DCDC1: variants seen among roughly 807,000 people sequenced by gnomAD.
The protein encoded by DCDC1 is doublecortin domain containing 1, also known as doublecortin domain-containing protein 1.
Under a neutral mutation model 178.3 loss-of-function variants are expected in DCDC1, and 200 were observed. The observed-to-expected ratio is 1.12, with a 90% CI of 1.00 to 1.26. The LOEUF is 1.26. Among genes scored for constraint, DCDC1 ranks in the 50% most tolerant of loss-of-function variants. The pLI is 0.00. For synonymous variants in DCDC1, 690 were observed against 604.8 expected (o/e 1.14, Z -2.07); for missense variants, 1,983 against 1,749.2 (o/e 1.13, Z -2.38).
intron 6 of DCDC1, among the ~76,000 whole-genome samples, chr11:31,302,996 G>A (rs1948215799): frequency 6.6e-6 from 1 of 152,178 alleles, no homozygotes; most frequent in Non-Finnish European, 1.5e-5. Context: ...AGTATTCTCA[G>A]TTTGAAGGAT....
At chr11:31,136,688 T>G (rs1168975604) in intron 10 of DCDC1, among the ~76,000 whole-genome samples, 1 of 152,184 alleles carries the variant, frequency 6.6e-6, no homozygotes, top group Non-Finnish European at 1.5e-5. Context: ...CAGTGGTACA[T>G]AGAAATTAGA....
intron 32 of DCDC1, among the ~76,000 whole-genome samples, chr11:30,901,485 A>G (rs1944666810): frequency 6.6e-6 from 1 of 152,142 alleles, no homozygotes; most frequent in Admixed American, 6.6e-5. Flanking sequence ...CCTGCATAGT[A>G]AGCACTATGT....
At chr11:31,344,139 C>A (rs559893969) in intron 1 of DCDC1, among the ~76,000 whole-genome samples, 3 of 152,004 alleles carry the variant, frequency 2.0e-5, no homozygotes, top group African/African-American at 7.2e-5. Context: ...TCAGATAACA[C>A]CCCTGCACAT....
intron 20 of DCDC1, among the ~76,000 whole-genome samples, chr11:31,021,930 C>T (rs989109965): frequency 5.9e-5 from 9 of 152,240 alleles, no homozygotes; most frequent in Admixed American, 4.6e-4. Flanking sequence ...GGCCTTACAA[C>T]AGCAGGATCA....
chr11:31,153,870 C>CAT, intron 9 of DCDC1, among the ~76,000 whole-genome samples: 1 of 152,018 alleles, frequency 6.6e-6, no homozygotes, highest in African/African-American at 2.4e-5. Context: ...CACACACACA[C>CAT]ACACACACAC....
intron 20 of DCDC1, among the ~76,000 whole-genome samples, chr11:31,016,753 G>C (rs1487764014): frequency 6.6e-6 from 1 of 152,116 alleles, no homozygotes; most frequent in Non-Finnish European, 1.5e-5. Context: ...TCAAAAATAG[G>C]GATGCCTGTG....
chr11:31,094,312 G>A (rs150380101), intron 15 of DCDC1, 128 bp from the exon 16 acceptor site: 78 of 624,970 alleles, frequency 1.2e-4, no homozygotes, highest in Middle Eastern at 1.1e-3. Flanking sequence ...TCAAAAAGTA[G>A]CATTCAATCC....
intron 3 of DCDC1, among the ~76,000 whole-genome samples, chr11:31,323,708 G>A (rs1285358368): frequency 1.3e-5 from 2 of 151,676 alleles, no homozygotes; most frequent in African/African-American, 4.8e-5. Flanking sequence ...TAAACACAAA[G>A]GGAAATGACC....
chr11:31,089,122 T>C (rs1957647937), intron 17 of DCDC1, among the ~76,000 whole-genome samples: 1 of 152,234 alleles, frequency 6.6e-6, no homozygotes, highest in South Asian at 2.1e-4. Context: ...GATCTGCTGG[T>C]GATGAGTTCT....
intron 20 of DCDC1, among the ~76,000 whole-genome samples, chr11:31,032,820 A>G (rs1336908860): frequency 6.6e-6 from 1 of 152,202 alleles, no homozygotes; most frequent in East Asian, 1.9e-4. Flanking sequence ...AAGAGCTAAC[A>G]GGAGGATAAA....
chr11:31,164,905 G>C (rs1966635239), intron 9 of DCDC1, among the ~76,000 whole-genome samples: 2 of 152,134 alleles, frequency 1.3e-5, no homozygotes, highest in Admixed American at 1.3e-4. Context: ...GCCATTCGTG[G>C]TAAGTGCCCT....
At chr11:31,341,100 G>C (rs1364379337) in intron 1 of DCDC1, among the ~76,000 whole-genome samples, 2 of 152,138 alleles carry the variant, frequency 1.3e-5, no homozygotes, top group Non-Finnish European at 2.9e-5. Context: ...ATCTTGGAGA[G>C]CTAGTAGGGA....
intron 3 of DCDC1, among the ~76,000 whole-genome samples, chr11:31,315,587 G>A (rs1465480276): frequency 6.7e-6 from 1 of 149,956 alleles, no homozygotes; most frequent in Non-Finnish European, 1.5e-5. Flanking sequence ...CCGCCCACCT[G>A]GGCCTCCCAA....
intron 20 of DCDC1, among the ~76,000 whole-genome samples, chr11:30,964,063 T>C (rs1285636592): frequency 1.3e-5 from 2 of 152,154 alleles, no homozygotes; most frequent in Non-Finnish European, 2.9e-5. Context: ...TTCAGAAATA[T>C]TGGCACTAAA....
At chr11:30,906,753 T>A in intron 29 of DCDC1, 28 bp from the exon 30 acceptor site, 1 of 1,587,898 alleles carries the variant, frequency 6.3e-7, no homozygotes, top group Non-Finnish European at 8.6e-7. Flanking sequence ...GATGGCTTTA[T>A]ATAGGAGCAT....
chr11:31,209,258 C>T (rs1972217534), intron 9 of DCDC1, among the ~76,000 whole-genome samples: 1 of 152,138 alleles, frequency 6.6e-6, no homozygotes, highest in Non-Finnish European at 1.5e-5. Context: ...TAGAAGTGTC[C>T]TGGACTTAAA....
chr11:31,257,785 T>A (rs531020115), intron 8 of DCDC1, among the ~76,000 whole-genome samples: 1 of 151,838 alleles, frequency 6.6e-6, no homozygotes, highest in African/African-American at 2.4e-5. Flanking sequence ...AGGAGATCCA[T>A]TCAAGTCTAA....
chr11:31,105,757 T>G (rs764766242), intron 13 of DCDC1, among the ~76,000 whole-genome samples: 32 of 152,076 alleles, frequency 2.1e-4, no homozygotes, highest in Non-Finnish European at 4.1e-4. Context: ...AGCAACATCT[T>G]CCAAAACCTT....
chr11:30,926,414 A>C (rs1254649448), intron 22 of DCDC1, among the ~76,000 whole-genome samples: 1 of 152,200 alleles, frequency 6.6e-6, no homozygotes, highest in East Asian at 1.9e-4. Flanking sequence ...ATGTGGTGTT[A>C]TCAGGTCTGC....
Sources: gnomAD v4.1 joint callset for allele counts (sites outside exome capture counted in the v4.1 genomes callset) on GRCh38, gnomAD v4.1.1 for gene constraint, MANE v1.5 for transcripts, NCBI Gene and HGNC (gene_info 2026-07-23, HGNC 2026-07-21) for gene names.